Variants in STAG1 observed in about 807,000 individuals in gnomAD.
STAG1 encodes the protein STAG1 cohesin complex component, also known as cohesin subunit SA-1.
In STAG1, 26 loss-of-function variants were observed where a neutral mutation model predicts 170.9. That is an observed-to-expected ratio of 0.15 (90% confidence interval 0.11 to 0.21). STAG1 has a LOEUF of 0.21. Ranked by LOEUF, STAG1 falls within the 10% of genes least tolerant of loss-of-function variation. The pLI is 1.00. For missense variants in STAG1, 964 were observed against 1,509.5 expected (o/e 0.64, Z 5.99); for synonymous variants, 514 against 497.7 (o/e 1.03, Z -0.44).
At chr3:136,432,387 T>G (rs1367387408) in intron 16 of STAG1, among the ~76,000 whole-genome samples, 1 of 152,234 alleles carries the variant, frequency 6.6e-6, no homozygotes, top group Non-Finnish European at 1.5e-5. Flanking sequence ...CCATTTCTAT[T>G]GTCTGCTTTT....
intron 1 of STAG1, among the ~76,000 whole-genome samples, chr3:136,743,650 C>T (rs1576840628): frequency 6.6e-6 from 1 of 152,056 alleles, no homozygotes; most frequent in East Asian, 1.9e-4. Context: ...TGGCTTATCA[C>T]TGGTACATTC....
chr3:136,449,129 G>A (rs557567772), intron 14 of STAG1, among the ~76,000 whole-genome samples: 5 of 152,106 alleles, frequency 3.3e-5, no homozygotes, highest in East Asian at 1.9e-4. Context: ...AGTATAAAAA[G>A]ATAAGAGGAG....
chr3:136,466,095 C>T (rs71336058), intron 12 of STAG1, among the ~76,000 whole-genome samples: 1,528 of 152,262 alleles, frequency 0.01, 12 homozygotes, highest in Non-Finnish European at 0.015. Flanking sequence ...AATCAGATCG[C>T]CTCTCCCCCT....
intron 3 of STAG1, among the ~76,000 whole-genome samples, chr3:136,622,154 A>AAAG (rs1462309661): frequency 6.7e-6 from 1 of 150,374 alleles, no homozygotes; most frequent in South Asian, 2.1e-4. Context: ...AAAAAAAAAA[A>AAAG]AAAAGAAAAG....
At chr3:136,434,757 T>G (rs1341011858) in intron 15 of STAG1, among the ~76,000 whole-genome samples, 2 of 152,230 alleles carry the variant, frequency 1.3e-5, no homozygotes, top group African/African-American at 4.8e-5. Context: ...TAATATGTTC[T>G]TCATTTTCTT....
intron 1 of STAG1, among the ~76,000 whole-genome samples, chr3:136,716,003 C>A (rs991832381): frequency 3.9e-5 from 6 of 152,032 alleles, no homozygotes; most frequent in African/African-American, 1.4e-4. Context: ...CAGGCTGAAG[C>A]AAGAGAATTG....
At chr3:136,670,856 C>T (rs1941959671) in intron 1 of STAG1, among the ~76,000 whole-genome samples, 1 of 152,114 alleles carries the variant, frequency 6.6e-6, no homozygotes, top group African/African-American at 2.4e-5. Flanking sequence ...GCTGACACCA[C>T]CTGAGATTTC....
chr3:136,346,261 G>C (rs1936217098), intron 29 of STAG1, among the ~76,000 whole-genome samples: 1 of 152,200 alleles, frequency 6.6e-6, no homozygotes, highest in African/African-American at 2.4e-5. Context: ...ACAGTTCTTA[G>C]GAAGGCGCTT....
At chr3:136,744,956 G>A (rs1482644249) in intron 1 of STAG1, among the ~76,000 whole-genome samples, 1 of 152,150 alleles carries the variant, frequency 6.6e-6, no homozygotes, top group African/African-American at 2.4e-5. Context: ...GATTATAGGT[G>A]TGGGCCACTG....
At chr3:136,409,947 G>T (rs2087579540) in intron 21 of STAG1, among the ~76,000 whole-genome samples, 1 of 151,556 alleles carries the variant, frequency 6.6e-6, no homozygotes, top group African/African-American at 2.4e-5. Flanking sequence ...TAGCTGCGGT[G>T]TGGTGGTGCA....
At chr3:136,380,708 T>TAA (rs1937906309) in intron 22 of STAG1, among the ~76,000 whole-genome samples, 1 of 151,920 alleles carries the variant, frequency 6.6e-6, no homozygotes, top group African/African-American at 2.4e-5. Context: ...ATTGTGGTAT[T>TAA]AAGTCATCAA....
chr3:136,392,850 T>G (rs190142491), intron 22 of STAG1, among the ~76,000 whole-genome samples: 1 of 152,174 alleles, frequency 6.6e-6, no homozygotes, highest in Admixed American at 6.5e-5. Context: ...AGTTTTATTT[T>G]GTTTATATTA....
chr3:136,370,194 G>A (rs1937254573), intron 23 of STAG1, among the ~76,000 whole-genome samples: 1 of 151,992 alleles, frequency 6.6e-6, no homozygotes, highest in South Asian at 2.1e-4. Context: ...CCTTCAGGAG[G>A]TACTCCAGAA....
At chr3:136,536,771 G>A (rs573574831) in intron 6 of STAG1, among the ~76,000 whole-genome samples, 6 of 150,072 alleles carry the variant, frequency 4.0e-5, no homozygotes, top group South Asian at 2.1e-4. Context: ...CTCCTGGCTT[G>A]CCATTTACCA....
chr3:136,357,998 T>C (rs1272665163), intron 27 of STAG1, 150 bp from the exon 28 acceptor site: 2 of 614,844 alleles, frequency 3.3e-6, no homozygotes, highest in African/African-American at 1.9e-5. Flanking sequence ...TGTGAATATA[T>C]AGGACATATT....
intron 9 of STAG1, among the ~76,000 whole-genome samples, chr3:136,495,457 A>C (rs1270025801): frequency 6.6e-6 from 1 of 152,152 alleles, no homozygotes; most frequent in Non-Finnish European, 1.5e-5. Context: ...AATTGAAAAC[A>C]TTTGCTCTGT....
chr3:136,479,367 G>A (rs1310014266), intron 9 of STAG1, among the ~76,000 whole-genome samples: 2 of 123,704 alleles, frequency 1.6e-5, no homozygotes, highest in Admixed American at 1.7e-4. Context: ...TGAGAATGAT[G>A]GTTTCCAATT....
At chr3:136,497,735 C>A (rs887961116) in intron 9 of STAG1, among the ~76,000 whole-genome samples, 2 of 150,640 alleles carry the variant, frequency 1.3e-5, no homozygotes, top group African/African-American at 4.9e-5. Flanking sequence ...GGCGCCTGTA[C>A]TCCCAGCTAC....
Position 136,630,775 on chromosome 3 carries a change from T to C in STAG1, c.29+95A>G, listed in dbSNP as rs574699083. On this transcript the variant is annotated intron_variant, in intron 2 of 33. Coordinates refer to ENST00000383202, the MANE Select transcript of STAG1 (RefSeq NM_005862.3). ...TTGTCCCAATATCAAAGAACATATTTGAAATGTATCATCGAAGAGAGCATT... is the reference window on the plus strand; with the variant it reads ...TTGTCCCAATATCAAAGAACATATTCGAAATGTATCATCGAAGAGAGCATT... 273 of 883,680 alleles carry C rather than the reference T, an allele frequency of 3.1e-4. 1 individual carries two copies. In the African/African-American group the frequency reaches 4.2e-3, roughly 13 times the overall value. 54.7% of individuals were successfully genotyped at this position (883,680 alleles called of 1,614,324 possible). A position where few individuals can be genotyped will look rare whatever the true frequency, so the allele number is the denominator to read the frequency against.
Sources: gnomAD v4.1 joint callset for allele counts (sites outside exome capture counted in the v4.1 genomes callset) on GRCh38, gnomAD v4.1.1 for gene constraint, MANE v1.5 for transcripts, NCBI Gene and HGNC (gene_info 2026-07-23, HGNC 2026-07-21) for gene names.